Variants in TRAIP observed in about 807,000 individuals in gnomAD.
TRAIP encodes the protein E3 ubiquitin-protein ligase TRAIP.
Under a neutral mutation model 65.0 loss-of-function variants are expected in TRAIP, and 37 were observed. That is an observed-to-expected ratio of 0.57 (90% CI 0.44 to 0.75). TRAIP has a LOEUF of 0.75. TRAIP is among the 30% of genes least tolerant of loss of function. TRAIP has a pLI of 0.00. For synonymous variants in TRAIP, 187 were observed against 219.1 expected (o/e 0.85, Z 1.29); for missense variants, 481 against 579.4 (o/e 0.83, Z 1.74).
intron 7 of TRAIP, 118 bp downstream of exon 7, chr3:49,841,708 C>T: frequency 1.4e-6 from 1 of 734,290 alleles, no homozygotes; most frequent in Non-Finnish European, 2.3e-6. Context: ...ACAAAGGCAG[C>T]ATGGCTCCAG....
intron 1 of TRAIP, among the ~76,000 whole-genome samples, chr3:49,851,378 A>G (rs537941221): frequency 1.3e-5 from 2 of 152,044 alleles, no homozygotes; most frequent in Admixed American, 1.3e-4. Flanking sequence ...GAACTATATT[A>G]TACTTCAATT....
chr3:49,840,589 G>A (rs539773374), intron 8 of TRAIP: 3 of 575,038 alleles, frequency 5.2e-6, no homozygotes, highest in East Asian at 5.7e-5. Flanking sequence ...GCCTGTGGAT[G>A]CACCATGCCA....
At chr3:49,829,977 T>C in intron 12 of TRAIP, 43 bp downstream of exon 12, 1 of 1,613,338 alleles carries the variant, frequency 6.2e-7, no homozygotes, top group Admixed American at 1.7e-5. Flanking sequence ...AAAAGTCCAG[T>C]CCTGCCAAAG....
Position 49,828,920 on chromosome 3 carries a change from G to A in TRAIP, c.*183C>T. 2 of 752,660 alleles carry A rather than the reference G, an allele frequency of 2.7e-6. No homozygotes were observed. Among genetic ancestry groups the A allele is most frequent in the Non-Finnish European group, 4.4e-6 (2 of 453,832 alleles). 46.6% of individuals were successfully genotyped at this position (752,660 alleles called of 1,614,324 possible). A position where few individuals can be genotyped will look rare whatever the true frequency, so the allele number is the denominator to read the frequency against. On this transcript the variant is annotated 3_prime_UTR_variant, in exon 15 of 15. Coordinates refer to ENST00000331456, the MANE Select transcript of TRAIP (RefSeq NM_005879.3). ...GTCATGTCAGCTCCCAGTCGTAGGA[G>A]TGGGGCAGGGTGAGGGCAGGAAGAG...
chr3:49,831,865 C>G, intron 11 of TRAIP, 51 bp downstream of exon 11: 1 of 1,484,010 alleles, frequency 6.7e-7, no homozygotes, highest in Non-Finnish European at 9.0e-7. Flanking sequence ...GCAGAGCTGT[C>G]TTAGCTATCC....
At chr3:49,835,449 T>C (rs1480367311) in intron 10 of TRAIP, among the ~76,000 whole-genome samples, 2 of 152,196 alleles carry the variant, frequency 1.3e-5, no homozygotes, top group African/African-American at 4.8e-5. Flanking sequence ...TTAATGGGTA[T>C]AGAATTTCAC....
intron 10 of TRAIP, among the ~76,000 whole-genome samples, chr3:49,838,317 T>C (rs1204759972): frequency 6.6e-6 from 1 of 152,224 alleles, no homozygotes; most frequent in African/African-American, 2.4e-5. Flanking sequence ...AGGGAGACCA[T>C]TGCTGTCCTC....
intron 10 of TRAIP, among the ~76,000 whole-genome samples, chr3:49,837,143 G>A (rs1228082813): frequency 1.3e-5 from 2 of 152,018 alleles, no homozygotes; most frequent in African/African-American, 4.8e-5. Flanking sequence ...CACATTAGCA[G>A]TCACAGGAGA....
In TRAIP at chr3:49,829,606, GC is replaced by G; in HGVS notation, c.1236+10del. The G allele has an allele frequency of 6.2e-7, 1 of 1,614,212 alleles. No homozygotes were observed. Among genetic ancestry groups the G allele is most frequent in the Non-Finnish European group, 8.5e-7 (1 of 1,180,024 alleles). ...GGGCTGGCTCCTGCCACTGTGGGAA[GC>G]CACACTCACCACATCTTTGCTGCAA... is the stretch of plus-strand genomic sequence containing the variant. On this transcript the variant is annotated intron_variant, in intron 13 of 14. Transcript: ENST00000331456.
chr3:49,851,863 A>AT (rs1419958326), intron 1 of TRAIP, among the ~76,000 whole-genome samples: 1 of 150,000 alleles, frequency 6.7e-6, no homozygotes, highest in Non-Finnish European at 1.5e-5. Context: ...TGCCCGGCTA[A>AT]TTTTTTTGTA....
At chr3:49,832,717 T>TGG (rs796247335) in intron 10 of TRAIP, among the ~76,000 whole-genome samples, 2 of 27,442 alleles carry the variant, frequency 7.3e-5, no homozygotes, top group Non-Finnish European at 1.2e-4. Flanking sequence ...GGGGGGGGGG[T>TGG]GGGGGGTGGG....
intron 3 of TRAIP, among the ~76,000 whole-genome samples, chr3:49,846,346 G>A (rs530431648): frequency 6.6e-6 from 1 of 152,090 alleles, no homozygotes; most frequent in South Asian, 2.1e-4. Flanking sequence ...TTACAGGTGT[G>A]AGCCATCACG....
chr3:49,852,394 A>C (rs538211348), intron 1 of TRAIP, among the ~76,000 whole-genome samples: 8 of 150,240 alleles, frequency 5.3e-5, no homozygotes, highest in African/African-American at 2.0e-4. Context: ...CAGGATAAAA[A>C]AGTTAATGGA....
At chr3:49,852,853 G>A (rs1225235448) in intron 1 of TRAIP, among the ~76,000 whole-genome samples, 3 of 152,146 alleles carry the variant, frequency 2.0e-5, no homozygotes, top group Admixed American at 1.3e-4. Context: ...CAGGCACAAT[G>A]GCTCATGGCT....
At position 49,839,832 on chromosome 3, in the gene TRAIP, T is replaced by C. The variant is rs2081822548; in HGVS notation, c.824A>G (p.Gln275Arg). The change falls in exon 10 of 15, where the codon CAG becomes CGG. Residue 275 changes from glutamine to arginine, a missense_variant. By Grantham distance (43) the Gln-to-Arg change is conservative. Coordinates refer to ENST00000331456, the MANE Select transcript of TRAIP (RefSeq NM_005879.3). ...CACTGGTGGCAGGTTCAAGGTTTCC[T>C]GCAGCATCGTTAGCTTCTTTTTCAG... Reference protein sequence around the residue: ...MSLKKKLTMLQETLNLPPVAS... With the variant: ...MSLKKKLTMLRETLNLPPVAS... 1.9e-6 allele frequency: 3 copies of C among 1,614,134 alleles called. No homozygotes were observed. Among genetic ancestry groups the C allele is most frequent in the Admixed American group, 3.3e-5 (2 of 60,014 alleles).
At chr3:49,832,685 T>C (rs938033228) in intron 10 of TRAIP, among the ~76,000 whole-genome samples, 8 of 136,018 alleles carry the variant, frequency 5.9e-5, no homozygotes, top group Admixed American at 7.3e-5. Context: ...TGAGTGTGTT[T>C]TTACTTTTAT....
intron 1 of TRAIP, among the ~76,000 whole-genome samples, chr3:49,848,504 A>G (rs2081904115): frequency 6.6e-6 from 1 of 152,302 alleles, no homozygotes; most frequent in Non-Finnish European, 1.5e-5. Context: ...GGGCCCTCAG[A>G]GATGAGGACT....
At chr3:49,832,492 GAA>G (rs11450803) in intron 10 of TRAIP, among the ~76,000 whole-genome samples, 4 of 128,570 alleles carry the variant, frequency 3.1e-5, no homozygotes, top group Non-Finnish European at 1.6e-5. Context: ...TCCGTCTCAG[GAA>G]AAAAAAAAAA....
In TRAIP at chr3:49,829,191, T is replaced by C; in HGVS notation, c.1322A>G (p.Lys441Arg). 1.2e-6 allele frequency: 2 copies of C among 1,614,218 alleles called. No individual in the cohort carries two copies. The highest frequency in any genetic ancestry group is 1.7e-6 in the Non-Finnish European group (2 of 1,180,048). The change falls in exon 15 of 15, where the codon AAG becomes AGG. Residue 441 changes from lysine (K) to arginine (R), a missense_variant. Lys to Arg is a conservative substitution (Grantham distance 26). Transcript: ENST00000331456. Reference protein sequence around the residue: ...DTVMIRPLPVKPKTKVKQRVR... With the variant: ...DTVMIRPLPVRPKTKVKQRVR... ...CCTCTGCTTAACCTTGGTCTTGGGC[T>C]TAACAGGCAATGGGCGGATCATGAC...
Sources: gnomAD v4.1 joint callset for allele counts (sites outside exome capture counted in the v4.1 genomes callset) on GRCh38, gnomAD v4.1.1 for gene constraint, MANE v1.5 for transcripts, NCBI Gene and HGNC (gene_info 2026-07-23, HGNC 2026-07-21) for gene names.